Variants in MTREX observed in about 807,000 individuals in gnomAD.
MTREX encodes the protein exosome RNA helicase MTR4.
In MTREX, 76 loss-of-function variants were observed where a neutral mutation model predicts 135.4. The ratio of observed to expected loss-of-function variants is 0.56; its 90% CI spans 0.47 to 0.68. The LOEUF (loss-of-function observed/expected upper bound fraction) is 0.68. Ranked by LOEUF, MTREX falls within the 30% of genes least tolerant of loss-of-function variation. MTREX has a pLI of 0.00. For missense variants in MTREX, 920 were observed against 1,262.1 expected (o/e 0.73, Z 4.11); for synonymous variants, 404 against 401.6 (o/e 1.01, Z -0.07).
chr5:55,374,815 A>G (rs1750267059), intron 16 of MTREX, among the ~76,000 whole-genome samples: 1 of 152,192 alleles, frequency 6.6e-6, no homozygotes, highest in South Asian at 2.1e-4. Flanking sequence ...ATAGACCGAA[A>G]ACCAATACAA....
intron 16 of MTREX, among the ~76,000 whole-genome samples, chr5:55,371,376 A>T (rs1042928823): frequency 2.0e-5 from 3 of 152,174 alleles, no homozygotes; most frequent in Non-Finnish European, 2.9e-5. Flanking sequence ...TATCTATTGT[A>T]TACACTGTTA....
At chr5:55,374,578 C>G (rs901306641) in intron 16 of MTREX, among the ~76,000 whole-genome samples, 4 of 152,114 alleles carry the variant, frequency 2.6e-5, no homozygotes, top group African/African-American at 9.7e-5. Context: ...GTGTGAGCCA[C>G]TGTGCCTAGC....
chr5:55,320,493 A>C (rs1405237558), intron 1 of MTREX, among the ~76,000 whole-genome samples: 1 of 152,214 alleles, frequency 6.6e-6, no homozygotes, highest in Non-Finnish European at 1.5e-5. Context: ...CTGGGATTAC[A>C]GGCATGAGTC....
chr5:55,311,031 C>T (rs1013747009), intron 1 of MTREX, among the ~76,000 whole-genome samples: 11 of 152,180 alleles, frequency 7.2e-5, no homozygotes, highest in Admixed American at 2.6e-4. Context: ...GTCCTCCCAC[C>T]TTGGCCTCTG....
intron 5 of MTREX, 149 bp downstream of exon 5, chr5:55,328,960 A>C: frequency 2.0e-6 from 1 of 493,802 alleles, no homozygotes; most frequent in East Asian, 3.3e-5. Context: ...CTCTAATACA[A>C]TGTTTACTTG....
At chr5:55,361,654 C>T (rs1349418340) in intron 15 of MTREX, among the ~76,000 whole-genome samples, 1 of 151,824 alleles carries the variant, frequency 6.6e-6, no homozygotes, top group Non-Finnish European at 1.5e-5. Context: ...AACGGGGTTT[C>T]ACCATGTTGG....
intron 24 of MTREX, among the ~76,000 whole-genome samples, chr5:55,414,730 A>G (rs1265452070): frequency 6.6e-6 from 1 of 152,006 alleles, no homozygotes; most frequent in African/African-American, 2.4e-5. Context: ...GCTCACTGCA[A>G]CCTCCACCTT....
At chr5:55,330,221 A>G (rs1489539133) in intron 5 of MTREX, among the ~76,000 whole-genome samples, 2 of 151,894 alleles carry the variant, frequency 1.3e-5, no homozygotes, top group Non-Finnish European at 1.5e-5. Flanking sequence ...GACCACAGGC[A>G]TGTGCCACCA....
At chr5:55,415,039 T>TA (rs80159470) in intron 24 of MTREX, among the ~76,000 whole-genome samples, 28,451 of 152,008 alleles carry the variant, frequency 0.19, 2,729 homozygotes, top group Admixed American at 0.19. Context: ...ATTTCTCTCT[T>TA]ACTATTTTCA....
intron 25 of MTREX, among the ~76,000 whole-genome samples, chr5:55,419,698 T>TG (rs1296871847): frequency 7.9e-5 from 12 of 152,234 alleles, no homozygotes; most frequent in Admixed American, 2.0e-4. Flanking sequence ...GGATTTGCTT[T>TG]CCACTGAGCA....
chr5:55,343,493 A>T (rs1749684079), intron 8 of MTREX, 38 bp downstream of exon 8: 1 of 1,572,894 alleles, frequency 6.4e-7, no homozygotes, highest in African/African-American at 1.4e-5. Context: ...TCAATATTCA[A>T]AATGTTACAG....
Position 55,414,214 on chromosome 5 carries a change from A to G in MTREX, c.2784A>G (p.Leu928=). The G allele has an allele frequency of 3.2e-6, 5 of 1,568,606 alleles. No individual in the cohort carries two copies. The highest frequency in any genetic ancestry group is 1.4e-5 in the African/African-American group (1 of 71,876). The change falls in exon 24 of 27, where the codon TTA becomes TTG. Residue 928 remains leucine (L), a synonymous_variant. Transcript: ENST00000230640. ...AGATGCCCAAATTAACAGAACAATT[A>G]GCAGGACCACTTCGTCAAATGCAGG... ...SSEMPKLTEQ[L]AGPLRQMQEC...
intron 1 of MTREX, among the ~76,000 whole-genome samples, chr5:55,313,881 C>T (rs1293844587): frequency 6.6e-6 from 1 of 152,048 alleles, no homozygotes; most frequent in Non-Finnish European, 1.5e-5. Context: ...TATCAGATGT[C>T]TCCATTTCTC....
intron 1 of MTREX, among the ~76,000 whole-genome samples, chr5:55,313,216 T>C (rs1168399892): frequency 6.6e-6 from 1 of 150,828 alleles, no homozygotes; most frequent in East Asian, 1.9e-4. Context: ...GCAGGTGGAT[T>C]GCCTGAGCCC....
intron 11 of MTREX, among the ~76,000 whole-genome samples, chr5:55,349,134 T>C (rs1197204398): frequency 6.6e-6 from 1 of 152,086 alleles, no homozygotes; most frequent in East Asian, 1.9e-4. Context: ...TTATCTACTT[T>C]CTGCTTGACC....
chr5:55,357,024 G>T, intron 14 of MTREX: 1 of 154,642 alleles, frequency 6.5e-6, no homozygotes, highest in South Asian at 2.0e-4. Context: ...TGATGTGGTT[G>T]AACAGCTCTA....
chr5:55,397,550 A>T, intron 20 of MTREX, 24 bp downstream of exon 20: 1 of 1,396,548 alleles, frequency 7.2e-7, no homozygotes, highest in Non-Finnish European at 1.0e-6. Flanking sequence ...TCATAAGTTA[A>T]GTATAAATTT....
intron 16 of MTREX, among the ~76,000 whole-genome samples, chr5:55,374,841 T>A (rs1750267456): frequency 6.6e-6 from 1 of 152,182 alleles, no homozygotes; most frequent in Admixed American, 6.5e-5. Flanking sequence ...TGCCTAATTA[T>A]CAGGGAACCT....
In MTREX at chr5:55,366,748, T is replaced by C. The variant is rs760402044; in HGVS notation, c.1683T>C (p.Ser561=). 6.9e-6 allele frequency: 11 copies of C among 1,605,816 alleles called. No homozygotes were observed. The East Asian group carries it at 1.8e-4, about 26-fold the overall frequency. Residue 561 remains serine (S), a synonymous_variant, in exon 16 of 27, where the codon AGT becomes AGC. Coordinates refer to ENST00000230640, the MANE Select transcript of MTREX (RefSeq NM_015360.5). ...AGGGCTCCGCTGATCCTCTAAATAG[T>C]GCTTTCCATTTGACCTACAACATGG... ...LLKGSADPLN[S]AFHLTYNMVL... is the part of the protein sequence containing the mutation.
Sources: gnomAD v4.1 joint callset for allele counts (sites outside exome capture counted in the v4.1 genomes callset) on GRCh38, gnomAD v4.1.1 for gene constraint, MANE v1.5 for transcripts, NCBI Gene and HGNC (gene_info 2026-07-23, HGNC 2026-07-21) for gene names.